The following CSNK2A2IP variants were observed in gnomAD, a reference collection of about 807,000 sequenced individuals.
The protein encoded by CSNK2A2IP is casein kinase II subunit alpha'-interacting protein.
At chr3:88,377,168 T>C in the CSNK2A2IP span, among the ~76,000 whole-genome samples, 1 of 151,826 alleles carries the variant, frequency 6.6e-6, no homozygotes, top group African/African-American at 2.4e-5. Flanking sequence ...TTATTTCCAC[T>C]GCTGAAGATC....
the CSNK2A2IP span, among the ~76,000 whole-genome samples, chr3:88,388,736 C>A: frequency 6.6e-6 from 1 of 152,016 alleles, no homozygotes; most frequent in African/African-American, 2.4e-5. Context: ...ACAAACATTT[C>A]CTAGTTAGTC....
the CSNK2A2IP span, among the ~76,000 whole-genome samples, chr3:88,415,830 A>G: frequency 6.6e-6 from 1 of 152,040 alleles, no homozygotes; most frequent in African/African-American, 2.4e-5. Context: ...CAACCTGAAG[A>G]GAATCATTTT....
At chr3:88,450,683 T>C in the CSNK2A2IP span, among the ~76,000 whole-genome samples, 1 of 152,094 alleles carries the variant, frequency 6.6e-6, no homozygotes, top group African/African-American at 2.4e-5. Context: ...TCTTTTTTTG[T>C]TTTTAATTAT....
chr3:88,457,399 G>T, the CSNK2A2IP span, among the ~76,000 whole-genome samples: 2 of 151,500 alleles, frequency 1.3e-5, no homozygotes, highest in East Asian at 1.9e-4. Flanking sequence ...ATGCATAGTT[G>T]CTTTTTAAAA....
chr3:88,449,874 T>TATAGAGAG, the CSNK2A2IP span, among the ~76,000 whole-genome samples: 15 of 70,046 alleles, frequency 2.1e-4, 1 homozygote, highest in African/African-American at 7.0e-4. Flanking sequence ...TATATATATA[T>TATAGAGAG]AGAGAGAGAG....
At chr3:88,373,606 A>T in the CSNK2A2IP span, among the ~76,000 whole-genome samples, 12 of 45,218 alleles carry the variant, frequency 2.7e-4, no homozygotes, top group African/African-American at 6.4e-4. Flanking sequence ...ATGAAAGTAA[A>T]AAAAAAAAAA....
At chr3:88,391,904 A>G in the CSNK2A2IP span, among the ~76,000 whole-genome samples, 1 of 152,182 alleles carries the variant, frequency 6.6e-6, no homozygotes, top group Non-Finnish European at 1.5e-5. Context: ...GAAATTAGAT[A>G]ATGAGGTGGA....
At chr3:88,399,369 A>G in the CSNK2A2IP span, among the ~76,000 whole-genome samples, 1 of 152,162 alleles carries the variant, frequency 6.6e-6, no homozygotes, top group South Asian at 2.1e-4. Context: ...TATAAGAAAT[A>G]TTTAGAAGTG....
the CSNK2A2IP span, among the ~76,000 whole-genome samples, chr3:88,416,668 C>G: frequency 6.6e-6 from 1 of 152,142 alleles, no homozygotes. Context: ...CACTCATTGT[C>G]AGAAGCTTCT....
the CSNK2A2IP span, chr3:88,466,752 T>C: frequency 1.2e-6 from 1 of 861,262 alleles, no homozygotes; most frequent in Non-Finnish European, 1.5e-6. Flanking sequence ...ATCCTCATCC[T>C]GGTCCTCGCT....
chr3:88,431,830 C>G, the CSNK2A2IP span, among the ~76,000 whole-genome samples: 1 of 151,938 alleles, frequency 6.6e-6, no homozygotes, highest in African/African-American at 2.4e-5. Context: ...AAAAATGTGG[C>G]ATACTTTTAG....
chr3:88,417,435 A>G, the CSNK2A2IP span, among the ~76,000 whole-genome samples: 5 of 152,272 alleles, frequency 3.3e-5, no homozygotes, highest in South Asian at 1.0e-3. Flanking sequence ...TACAGGGGCA[A>G]GGGTGCTTGT....
chr3:88,397,892 G>A, the CSNK2A2IP span, among the ~76,000 whole-genome samples: 1 of 151,700 alleles, frequency 6.6e-6, no homozygotes, highest in African/African-American at 2.4e-5. Flanking sequence ...CCCCTTCTAG[G>A]TGCCATCTAC....
the CSNK2A2IP span, among the ~76,000 whole-genome samples, chr3:88,424,538 A>G: frequency 2.0e-3 from 310 of 152,324 alleles, 1 homozygote; most frequent in Admixed American, 3.6e-3. Flanking sequence ...TAAAAACATA[A>G]AAAGAAAAGC....
At chr3:88,342,410 G>A in the CSNK2A2IP span, among the ~76,000 whole-genome samples, 2 of 151,952 alleles carry the variant, frequency 1.3e-5, no homozygotes, top group Non-Finnish European at 2.9e-5. Flanking sequence ...CAAATGCTGA[G>A]CTGTAACCAA....
chr3:88,441,471 A>G, the CSNK2A2IP span, among the ~76,000 whole-genome samples: 1 of 152,160 alleles, frequency 6.6e-6, no homozygotes, highest in African/African-American at 2.4e-5. Flanking sequence ...AAAAAAGGCA[A>G]TAAAAAAGTT....
chr3:88,396,241 G>T, the CSNK2A2IP span, among the ~76,000 whole-genome samples: 1 of 151,492 alleles, frequency 6.6e-6, no homozygotes, highest in Non-Finnish European at 1.5e-5. Context: ...GAGTAGCTGG[G>T]ACTACAGGCG....
At chr3:88,462,310 A>G in the CSNK2A2IP span, among the ~76,000 whole-genome samples, 1 of 152,116 alleles carries the variant, frequency 6.6e-6, no homozygotes. Flanking sequence ...TTTGCCATCT[A>G]GAAGCTTGGT....
the CSNK2A2IP span, chr3:88,338,630 G>T: frequency 6.6e-6 from 1 of 152,204 alleles, no homozygotes; most frequent in East Asian, 1.9e-4. Flanking sequence ...CATTTCAGCA[G>T]CTAGAGTGTG....
Sources: gnomAD v4.1 joint callset for allele counts (sites outside exome capture counted in the v4.1 genomes callset) on GRCh38, gnomAD v4.1.1 for gene constraint, MANE v1.5 for transcripts, NCBI Gene and HGNC (gene_info 2026-07-23, HGNC 2026-07-21) for gene names.